The following RBKS variants were observed in gnomAD, a reference collection of about 807,000 sequenced individuals.
RBKS encodes ribokinase.
Under a neutral mutation model 33.9 loss-of-function variants are expected in RBKS, and 33 were observed. That is an observed-to-expected ratio of 0.97 (90% confidence interval 0.74 to 1.30). The LOEUF is 1.30. Ranked by LOEUF, RBKS falls within the 50% of genes most tolerant of loss-of-function variation. The pLI, the probability that RBKS is intolerant of heterozygous loss-of-function variation, is 0.00. For synonymous variants in RBKS, 125 were observed against 143.0 expected (o/e 0.87, Z 0.90); for missense variants, 361 against 392.6 (o/e 0.92, Z 0.68).
At chr2:27,820,283 C>G (rs1053182687) in intron 7 of RBKS, among the ~76,000 whole-genome samples, 7 of 152,062 alleles carry the variant, frequency 4.6e-5, no homozygotes, top group Non-Finnish European at 1.0e-4. Flanking sequence ...CAGCCTATAC[C>G]CCTTCCCAGG....
At chr2:27,848,922 A>G (rs1314933571) in intron 2 of RBKS, among the ~76,000 whole-genome samples, 1 of 152,170 alleles carries the variant, frequency 6.6e-6, no homozygotes, top group South Asian at 2.1e-4. Flanking sequence ...AACTAGTCCA[A>G]TAAGACTCAG....
intron 7 of RBKS, among the ~76,000 whole-genome samples, chr2:27,823,674 G>T (rs1262296247): frequency 1.3e-5 from 2 of 152,096 alleles, no homozygotes; most frequent in African/African-American, 4.8e-5. Context: ...TAATGAAAGT[G>T]CTGGATGAGA....
chr2:27,879,484 C>A (rs1664378822), intron 1 of RBKS, among the ~76,000 whole-genome samples: 1 of 152,028 alleles, frequency 6.6e-6, no homozygotes, highest in African/African-American at 2.4e-5. Flanking sequence ...AATAAAAGGA[C>A]AAGTTTAGCC....
intron 7 of RBKS, among the ~76,000 whole-genome samples, chr2:27,820,782 G>A (rs879532141): frequency 3.3e-5 from 5 of 151,956 alleles, no homozygotes; most frequent in South Asian, 2.1e-4. Context: ...GGTGGCTCAC[G>A]CCTATAATTC....
chr2:27,877,568 A>G (rs781643826), intron 1 of RBKS, among the ~76,000 whole-genome samples: 8 of 152,106 alleles, frequency 5.3e-5, no homozygotes, highest in Non-Finnish European at 1.0e-4. Flanking sequence ...AAGGAATATA[A>G]CCGCCCCTGC....
At chr2:27,856,542 C>T (rs1214737305) in intron 2 of RBKS, among the ~76,000 whole-genome samples, 8 of 152,092 alleles carry the variant, frequency 5.3e-5, no homozygotes, top group Admixed American at 3.3e-4. Flanking sequence ...TTCAACAGAC[C>T]TAAAATAAAA....
At chr2:27,856,112 C>T (rs566372061) in intron 2 of RBKS, among the ~76,000 whole-genome samples, 1 of 152,128 alleles carries the variant, frequency 6.6e-6, no homozygotes, top group South Asian at 2.1e-4. Context: ...ATATGATTTT[C>T]TTTTTAAGAA....
At chr2:27,804,099 C>A (rs1677852716) in intron 7 of RBKS, among the ~76,000 whole-genome samples, 1 of 152,212 alleles carries the variant, frequency 6.6e-6, no homozygotes, top group African/African-American at 2.4e-5. Context: ...TGAATCAAGT[C>A]TGAAACTGCA....
intron 7 of RBKS, among the ~76,000 whole-genome samples, chr2:27,805,139 C>T (rs970123634): frequency 1.3e-5 from 2 of 152,126 alleles, no homozygotes; most frequent in African/African-American, 4.8e-5. Context: ...CTGGGCCACA[C>T]TGGAAGAATT....
chr2:27,840,457 G>A (rs980275920), intron 5 of RBKS, among the ~76,000 whole-genome samples: 16 of 151,638 alleles, frequency 1.1e-4, no homozygotes, highest in African/African-American at 3.9e-4. Context: ...GGGACCAGCT[G>A]ACTTGGCCAG....
At chr2:27,802,359 TATTA>T (rs1178447980) in intron 7 of RBKS, among the ~76,000 whole-genome samples, 1 of 152,044 alleles carries the variant, frequency 6.6e-6, no homozygotes, top group Non-Finnish European at 1.5e-5. Context: ...ATGCATTTTC[TATTA>T]ATTATATTTT....
intron 7 of RBKS, among the ~76,000 whole-genome samples, chr2:27,816,843 C>T (rs998472325): frequency 1.1e-4 from 16 of 152,164 alleles, no homozygotes; most frequent in Non-Finnish European, 2.2e-4. Flanking sequence ...GTGATCCACC[C>T]GCCTTGGCCT....
At chr2:27,816,783 G>A (rs1304478448) in intron 7 of RBKS, among the ~76,000 whole-genome samples, 1 of 152,048 alleles carries the variant, frequency 6.6e-6, no homozygotes, top group African/African-American at 2.4e-5. Context: ...ATTTTTAGTA[G>A]AGACAGGGTT....
intron 7 of RBKS, among the ~76,000 whole-genome samples, chr2:27,819,597 A>T (rs546015509): frequency 2.0e-4 from 30 of 152,330 alleles, no homozygotes; most frequent in Admixed American, 1.8e-3. Context: ...ACAACTCCAG[A>T]TAATCCATCA....
Position 27,858,450 on chromosome 2 carries a change from T to C in RBKS, c.211A>G (p.Met71Val). Residue 71 changes from methionine to valine, a missense_variant, in exon 2 of 8, where the codon ATG (methionine) becomes GTG (valine). Coordinates refer to ENST00000302188, the MANE Select transcript of RBKS (RefSeq NM_022128.3). ...QAARLGAMTS[M>V]VCKVGKDSFG... ...TACTTTGTACTTACCTTACACACCA[T>C]GGACGTCATTGCTCCAAGCCGAGCA... 3 of 1,613,690 alleles carry C rather than the reference T, an allele frequency of 1.9e-6. No individual in the cohort carries two copies. The highest frequency in any genetic ancestry group is 2.5e-6 in the Non-Finnish European group (3 of 1,179,870).
chr2:27,785,125 T>G (rs2148179727), intron 7 of RBKS, among the ~76,000 whole-genome samples: 1 of 152,216 alleles, frequency 6.6e-6, no homozygotes, highest in East Asian at 1.9e-4. Context: ...AATAATAAGA[T>G]GAAAATTTTG....
Position 27,890,261 on chromosome 2 carries a change from C to T in RBKS, c.85G>A (p.Val29Ile). 1 of 1,613,710 alleles carries T rather than the reference C, an allele frequency of 6.2e-7. No individual in the cohort carries two copies. Among genetic ancestry groups the T allele is most frequent in the Non-Finnish European group, 8.5e-7 (1 of 1,179,946 alleles). Residue 29 changes from valine to isoleucine, a missense_variant, in exon 1 of 8, where the codon GTC becomes ATC. Transcript: ENST00000302188. This position sits in a 1 kb window ranked among gnomAD's most constrained non-coding sequence, Gnocchi z 4.8. The stretch of plus-strand genomic sequence containing the variant: ...AGTAACTGGCCCCGGACTAACCTGA[C>T]CAGGTCGGTCATGCAGGAGCCCACC... ...VVVGSCMTDL[V>I]SLTSRLPKTG...
At chr2:27,820,847 C>T (rs1678189900) in intron 7 of RBKS, among the ~76,000 whole-genome samples, 1 of 152,072 alleles carries the variant, frequency 6.6e-6, no homozygotes, top group Non-Finnish European at 1.5e-5. Flanking sequence ...TCAAGACCAG[C>T]CTGACCAACA....
intron 7 of RBKS, among the ~76,000 whole-genome samples, chr2:27,793,927 G>A (rs1377239333): frequency 6.6e-6 from 1 of 152,066 alleles, no homozygotes; most frequent in African/African-American, 2.4e-5. Flanking sequence ...CTAATATTGG[G>A]GAAACTAGGT....
Sources: gnomAD v4.1 joint callset for allele counts (sites outside exome capture counted in the v4.1 genomes callset) on GRCh38, gnomAD v4.1.1 for gene constraint, Gnocchi (gnomAD v3.1) non-coding constraint, MANE v1.5 for transcripts, NCBI Gene and HGNC (gene_info 2026-07-23, HGNC 2026-07-21) for gene names.